Variants in DENND2B observed in about 807,000 individuals in gnomAD.
DENND2B encodes the protein DENN domain-containing protein 2B.
In DENND2B, 32 loss-of-function variants were observed where a neutral mutation model predicts 116.0. The observed-to-expected ratio is 0.28, with a 90% CI of 0.21 to 0.37. The LOEUF (loss-of-function observed/expected upper bound fraction) is 0.37, where lower values mean the gene tolerates loss of function less well. Ranked by LOEUF, DENND2B falls within the 10% of genes least tolerant of loss-of-function variation. The pLI, the probability that DENND2B is intolerant of heterozygous loss-of-function variation, is 1.00. For missense variants in DENND2B, 1,276 were observed against 1,477.7 expected, an observed-to-expected ratio of 0.86 and a Z score of 2.24; for synonymous variants, 588 against 583.9, an observed-to-expected ratio of 1.01 and a Z score of -0.10.
chr11:8,710,899 G>A lies in DENND2B; in HGVS notation c.2298C>T (p.Phe766=), dbSNP rs1234874395. 1.2e-6 allele frequency: 2 copies of A among 1,614,008 alleles called. No homozygotes were observed. Among genetic ancestry groups the A allele is most frequent in the East Asian group, 2.2e-5 (1 of 44,890 alleles). The part of the protein sequence containing the change: ...VSEYSSETFS[F]MLTGEDGSRR... The stretch of plus-strand genomic sequence containing the variant: ...TGCTGCCATCTTCCCCAGTCAGCAT[G>A]AAAGAAAAGGTCTCACTGGAACAAA... Residue 766 remains phenylalanine, a synonymous_variant, in exon 11 of 20, where the codon TTC becomes TTT. Transcript: ENST00000313726.
intron 3 of DENND2B, among the ~76,000 whole-genome samples, chr11:8,849,040 C>T (rs1387171118): frequency 6.7e-6 from 1 of 148,848 alleles, no homozygotes. Context: ...AAATTTCAAT[C>T]GGGGTGGATG....
upstream of DENND2B, among the ~76,000 whole-genome samples, chr11:8,873,815 A>T (rs1049432211): frequency 6.6e-6 from 1 of 152,232 alleles, no homozygotes; most frequent in Non-Finnish European, 1.5e-5. Flanking sequence ...TAAGGTTACA[A>T]TCCTGTTGTA....
At chr11:8,752,407 G>A (rs1343568370) in intron 1 of DENND2B, among the ~76,000 whole-genome samples, 1 of 151,624 alleles carries the variant, frequency 6.6e-6, no homozygotes, top group East Asian at 1.9e-4. Flanking sequence ...AGCCAAGATT[G>A]CACCACTGCA....
At chr11:8,718,216 A>G (rs188289407) in intron 4 of DENND2B, 10 of 853,638 alleles carry the variant, frequency 1.2e-5, no homozygotes, top group Middle Eastern at 2.9e-4. Context: ...CCAGAGGACA[A>G]AGCCAGCAAC....
intron 2 of DENND2B, among the ~76,000 whole-genome samples, chr11:8,861,289 A>C (rs1398487477): frequency 1.3e-5 from 2 of 152,224 alleles, no homozygotes; most frequent in African/African-American, 4.8e-5. Flanking sequence ...TGCATCTGAC[A>C]AACAACAAAT....
chr11:8,772,368 T>C (rs2057041463), intron 1 of DENND2B, among the ~76,000 whole-genome samples: 1 of 152,044 alleles, frequency 6.6e-6, no homozygotes, highest in African/African-American at 2.4e-5. Flanking sequence ...GTCAAAAGTA[T>C]GGGTGGCCCT....
chr11:8,902,132 C>T (rs1263800410), intron 1 of DENND2B, among the ~76,000 whole-genome samples: 1 of 152,048 alleles, frequency 6.6e-6, no homozygotes, highest in Non-Finnish European at 1.5e-5. Context: ...TCAAGACCAG[C>T]CTGACCAACA....
chr11:8,744,654 G>A (rs1036130397), intron 2 of DENND2B, among the ~76,000 whole-genome samples: 2 of 152,146 alleles, frequency 1.3e-5, no homozygotes, highest in Non-Finnish European at 2.9e-5. Flanking sequence ...AGGTAAATGA[G>A]TCAACACCTA....
chr11:8,724,350 TG>T (rs1351260269), intron 4 of DENND2B, among the ~76,000 whole-genome samples: 1 of 151,548 alleles, frequency 6.6e-6, no homozygotes. Flanking sequence ...CCCTCTACCC[TG>T]GGCCACTTCT....
chr11:8,715,521 G>C, intron 6 of DENND2B, 82 bp downstream of exon 6: 2 of 1,445,054 alleles, frequency 1.4e-6, no homozygotes, highest in Non-Finnish European at 1.9e-6. Flanking sequence ...AGGGAAGGAA[G>C]GAAGCCAGGA....
intron 1 of DENND2B, among the ~76,000 whole-genome samples, chr11:8,797,914 C>T (rs2134384811): frequency 6.6e-6 from 1 of 152,288 alleles, no homozygotes; most frequent in East Asian, 1.9e-4. Context: ...TTCTGCATGT[C>T]AAGCTCTTTC....
intron 2 of DENND2B, among the ~76,000 whole-genome samples, chr11:8,738,853 T>C (rs993614846): frequency 2.6e-5 from 4 of 152,182 alleles, no homozygotes; most frequent in Non-Finnish European, 5.9e-5. Context: ...ATCAATCCTG[T>C]ATCCCACCCT....
intron 2 of DENND2B, among the ~76,000 whole-genome samples, chr11:8,866,474 C>T (rs373545513): frequency 5.9e-5 from 9 of 152,168 alleles, no homozygotes; most frequent in South Asian, 2.1e-4. Flanking sequence ...AGCATTCTCC[C>T]GGGAAGACAT....
rs572761122 is a variant in DENND2B at position 8,720,070 on chromosome 11, T to A, written c.1478-2178A>T. On this transcript the variant is annotated intron_variant, in intron 4 of 19. Transcript: ENST00000313726. Reference sequence around the variant, plus strand: ...AACAGCCAAAAATGTCTCCAGACACTGCCAGATGCTCTCTGGGACGGACAG... The same window carrying A: ...AACAGCCAAAAATGTCTCCAGACACAGCCAGATGCTCTCTGGGACGGACAG... Among the ~76,000 whole-genome samples the A allele has an allele frequency of 3.3e-5, 5 of 152,192 alleles. No individual in the cohort carries two copies. In the South Asian group the frequency reaches 1.0e-3, roughly 32 times the overall value.
intron 4 of DENND2B, among the ~76,000 whole-genome samples, chr11:8,720,544 G>A (rs1230445962): frequency 6.6e-6 from 1 of 152,126 alleles, no homozygotes; most frequent in Non-Finnish European, 1.5e-5. Context: ...TTAACATCCT[G>A]TCTAATGTAA....
intron 1 of DENND2B, among the ~76,000 whole-genome samples, chr11:8,807,436 T>C (rs2060968827): frequency 6.6e-6 from 1 of 152,080 alleles, no homozygotes; most frequent in South Asian, 2.1e-4. Flanking sequence ...GCCATGATAC[T>C]TGGATTGCCC....
chr11:8,806,510 A>G (rs2060847091), intron 1 of DENND2B, among the ~76,000 whole-genome samples: 1 of 151,966 alleles, frequency 6.6e-6, no homozygotes, highest in South Asian at 2.1e-4. Context: ...CAGTACATTC[A>G]TGACATCAGA....
At position 8,782,089 on chromosome 11, in the gene DENND2B, CT is replaced by C. The variant is rs2058433070; in HGVS notation, c.-26+28427del. 3.9e-5 allele frequency among the ~76,000 whole-genome samples: 6 copies of C among 152,348 alleles called. No homozygotes were observed. In the South Asian group the frequency reaches 1.2e-3, roughly 32 times the overall value. ...CCTAGGTAGCTGGCGTACACAAACT[CT>C]TGCACAGTCATTACAATAGTGTCTG... is the stretch of plus-strand genomic sequence containing the variant. On this transcript the variant is annotated intron_variant, in intron 1 of 19. Transcript: ENST00000313726.
intron 1 of DENND2B, 134 bp from the exon 2 acceptor site, chr11:8,750,859 G>A (rs2052285353): frequency 1.4e-6 from 1 of 715,670 alleles, no homozygotes; most frequent in Non-Finnish European, 2.4e-6. Context: ...CCCACTTAAT[G>A]TTTAACTCCA....
Sources: gnomAD v4.1 joint callset for allele counts (sites outside exome capture counted in the v4.1 genomes callset) on GRCh38, gnomAD v4.1.1 for gene constraint, MANE v1.5 for transcripts, NCBI Gene and HGNC (gene_info 2026-07-23, HGNC 2026-07-21) for gene names.